The following CGGBP1 variants were observed in gnomAD, a reference collection of about 807,000 sequenced individuals.
The protein encoded by CGGBP1 is CGG triplet repeat binding protein 1.
In CGGBP1, 4 loss-of-function variants were observed where a neutral mutation model predicts 11.4. That is an observed-to-expected ratio of 0.35 (90% CI 0.17 to 0.80). The LOEUF is 0.80. Ranked by LOEUF, CGGBP1 falls within the 30% of genes least tolerant of loss-of-function variation. The pLI is 0.52. For missense variants in CGGBP1, 135 were observed against 202.1 expected (o/e 0.67, Z 2.01); for synonymous variants, 76 against 74.1 (o/e 1.03, Z -0.13).
At chr3:88,078,840 G>T (rs979565496) in intron 2 of CGGBP1, among the ~76,000 whole-genome samples, 1 of 152,048 alleles carries the variant, frequency 6.6e-6, no homozygotes, top group African/African-American at 2.4e-5. Flanking sequence ...GTTGACTAAA[G>T]AATACTGATT....
chr3:88,074,602 A>G (rs1707698519), intron 2 of CGGBP1, among the ~76,000 whole-genome samples: 1 of 152,120 alleles, frequency 6.6e-6, no homozygotes, highest in South Asian at 2.1e-4. Context: ...TCGGCCTTCC[A>G]AAGTGCTGGA....
chr3:88,062,795 AAGAG>A (rs766987180), upstream of CGGBP1, among the ~76,000 whole-genome samples: 5 of 152,344 alleles, frequency 3.3e-5, no homozygotes, highest in East Asian at 7.7e-4. Context: ...TGAATATAAA[AAGAG>A]AGAAGAATAT....
chr3:88,113,099 C>T, intron 2 of CGGBP1: 1 of 1,500,438 alleles, frequency 6.7e-7, no homozygotes, highest in Non-Finnish European at 8.9e-7. Flanking sequence ...GAAAGTTATT[C>T]ACTTATTCTT....
chr3:88,118,247 A>G (rs2107788174), intron 2 of CGGBP1, among the ~76,000 whole-genome samples: 1 of 152,222 alleles, frequency 6.6e-6, no homozygotes, highest in Non-Finnish European at 1.5e-5. Flanking sequence ...TCCCTGAGAC[A>G]CAACCTGTTT....
intron 2 of CGGBP1, among the ~76,000 whole-genome samples, chr3:88,096,935 C>G (rs1576266766): frequency 6.6e-6 from 1 of 152,184 alleles, no homozygotes; most frequent in East Asian, 1.9e-4. Flanking sequence ...TGCTAGTATA[C>G]TATACACACT....
intron 2 of CGGBP1, among the ~76,000 whole-genome samples, chr3:88,115,982 T>C (rs1403482000): frequency 6.6e-6 from 1 of 152,144 alleles, no homozygotes; most frequent in Non-Finnish European, 1.5e-5. Context: ...CTGAATGCGA[T>C]GAAACAGGGA....
chr3:88,111,323 A>G (rs929860317), intron 2 of CGGBP1, among the ~76,000 whole-genome samples: 4 of 152,000 alleles, frequency 2.6e-5, no homozygotes, highest in Non-Finnish European at 5.9e-5. Flanking sequence ...TACCCTTTGC[A>G]GAGTCAGTTG....
intron 2 of CGGBP1, among the ~76,000 whole-genome samples, chr3:88,116,483 G>T (rs973527562): frequency 6.6e-6 from 1 of 151,540 alleles, no homozygotes; most frequent in Non-Finnish European, 1.5e-5. Flanking sequence ...TCACACCATC[G>T]CACTCCATCC....
chr3:88,123,565 T>A (rs1705910356), intron 2 of CGGBP1, among the ~76,000 whole-genome samples: 1 of 152,162 alleles, frequency 6.6e-6, no homozygotes, highest in Non-Finnish European at 1.5e-5. Flanking sequence ...AAATTCTGAT[T>A]CAGTAGGTCT....
intron 2 of CGGBP1, chr3:88,139,859 T>C (rs952381399): frequency 4.4e-6 from 7 of 1,600,132 alleles, no homozygotes; most frequent in Non-Finnish European, 6.0e-6. Context: ...TCAATGGAAC[T>C]GTGTGCCATC....
upstream of CGGBP1, among the ~76,000 whole-genome samples, chr3:88,062,111 C>T (rs543186390): frequency 7.6e-4 from 116 of 152,292 alleles, no homozygotes; most frequent in African/African-American, 2.7e-3. Context: ...CACATCCTCC[C>T]TTGGCTCTTG....
chr3:88,087,405 G>A (rs1206989721), intron 2 of CGGBP1, among the ~76,000 whole-genome samples: 5 of 152,292 alleles, frequency 3.3e-5, no homozygotes, highest in South Asian at 2.1e-4. Context: ...AATGCTTATA[G>A]AGAACTTCAA....
At chr3:88,142,557 ATTGC>A (rs776789177) in intron 1 of CGGBP1, 4 of 151,456 alleles carry the variant, frequency 2.6e-5, no homozygotes, top group South Asian at 4.1e-4. Context: ...ATGTTGGGAC[ATTGC>A]TTGATGATTC....
At chr3:88,146,921 C>A (rs1004535939) in intron 1 of CGGBP1, among the ~76,000 whole-genome samples, 2 of 152,134 alleles carry the variant, frequency 1.3e-5, no homozygotes, top group African/African-American at 4.8e-5. Flanking sequence ...TTCAAGCCAC[C>A]ATTTTCTCTA....
intron 2 of CGGBP1, among the ~76,000 whole-genome samples, chr3:88,067,162 C>A (rs532317705): frequency 6.6e-6 from 1 of 152,292 alleles, no homozygotes; most frequent in Non-Finnish European, 1.5e-5. Context: ...GGTAAGCAAA[C>A]AGACATTGCC....
At chr3:88,129,837 G>A in intron 2 of CGGBP1, 1 of 1,406,922 alleles carries the variant, frequency 7.1e-7, no homozygotes, top group Non-Finnish European at 9.3e-7. Context: ...GTAAGTGTTT[G>A]TAAATAAAGA....
At chr3:88,102,415 T>TA (rs1214918894) in intron 2 of CGGBP1, among the ~76,000 whole-genome samples, 1 of 152,196 alleles carries the variant, frequency 6.6e-6, no homozygotes, top group East Asian at 1.9e-4. Context: ...ATTATACTGT[T>TA]ATCTTCTATA....
intron 2 of CGGBP1, among the ~76,000 whole-genome samples, chr3:88,081,557 T>C (rs779234605): frequency 6.6e-6 from 1 of 152,234 alleles, no homozygotes; most frequent in Non-Finnish European, 1.5e-5. Flanking sequence ...ATTATTTGTA[T>C]CAGTATGGAC....
intron 2 of CGGBP1, among the ~76,000 whole-genome samples, chr3:88,119,111 A>C (rs1705596410): frequency 6.7e-6 from 1 of 149,106 alleles, no homozygotes; most frequent in African/African-American, 2.5e-5. Flanking sequence ...CATTATTCAC[A>C]ATAGCAAAGA....
Sources: gnomAD v4.1 joint callset for allele counts (sites outside exome capture counted in the v4.1 genomes callset) on GRCh38, gnomAD v4.1.1 for gene constraint, MANE v1.5 for transcripts, NCBI Gene and HGNC (gene_info 2026-07-23, HGNC 2026-07-21) for gene names.